Variants in DNAH17 observed in about 807,000 individuals in gnomAD.
The protein encoded by DNAH17 is dynein axonemal heavy chain 17.
A neutral mutation model predicts 485.6 loss-of-function variants in DNAH17; 376 were observed. That is an observed-to-expected ratio of 0.77 (90% CI 0.71 to 0.84). The LOEUF is 0.84. DNAH17 is among the 40% of genes least tolerant of loss of function. The pLI, the probability that DNAH17 is intolerant of heterozygous loss-of-function variation, is 0.00. For missense variants in DNAH17, 6,370 were observed against 5,839.3 expected (o/e 1.09, Z -2.96); for synonymous variants, 3,031 against 2,405.9 (o/e 1.26, Z -7.60).
At chr17:78,495,251 C>T (rs191357644) in intron 38 of DNAH17, among the ~76,000 whole-genome samples, 154 bp from the exon 39 acceptor site, 3 of 152,238 alleles carry the variant, frequency 2.0e-5, no homozygotes, top group East Asian at 1.9e-4. Flanking sequence ...GCTCCCAGCC[C>T]GCCTGCTCCC....
chr17:78,570,877 A>G, intron 6 of DNAH17, 71 bp downstream of exon 6: 3 of 785,758 alleles, frequency 3.8e-6, no homozygotes, highest in East Asian at 3.3e-5. Flanking sequence ...AAAAAAAAAA[A>G]AGAAAAAAGA....
intron 44 of DNAH17, among the ~76,000 whole-genome samples, chr17:78,487,588 G>A (rs772979723): frequency 7.9e-5 from 12 of 152,104 alleles, no homozygotes; most frequent in Non-Finnish European, 1.3e-4. Context: ...GCAGGGGTGC[G>A]ATCTCGGCTC....
At chr17:78,451,411 T>C in intron 66 of DNAH17, 58 bp downstream of exon 66, 3 of 1,505,900 alleles carry the variant, frequency 2.0e-6, no homozygotes, top group Non-Finnish European at 2.7e-6. Flanking sequence ...CACAGTGACC[T>C]GGCCCCCTCT....
chr17:78,449,201 C>G (rs2087440834), intron 69 of DNAH17, among the ~76,000 whole-genome samples: 1 of 152,166 alleles, frequency 6.6e-6, no homozygotes, highest in African/African-American at 2.4e-5. Flanking sequence ...GAATACTGTG[C>G]CAGCTTCCCA....
chr17:78,570,104 G>T, intron 7 of DNAH17, 143 bp downstream of exon 7: 1 of 949,986 alleles, frequency 1.1e-6, no homozygotes, highest in Non-Finnish European at 1.5e-6. Flanking sequence ...CTCCATCTCA[G>T]CTCGGGGCCT....
At chr17:78,516,796 T>C (rs1025513195) in intron 25 of DNAH17, among the ~76,000 whole-genome samples, 1 of 152,046 alleles carries the variant, frequency 6.6e-6, no homozygotes, top group Non-Finnish European at 1.5e-5. Flanking sequence ...AAGGCCTGGC[T>C]GTAATAAAGC....
chr17:78,449,666 G>C, intron 68 of DNAH17, 82 bp from the exon 69 acceptor site: 1 of 1,373,658 alleles, frequency 7.3e-7, no homozygotes, highest in Non-Finnish European at 9.9e-7. Context: ...CCTGCCACCT[G>C]TGGTGGCCTC....
At chr17:78,479,953 G>C (rs887440941) in intron 49 of DNAH17, among the ~76,000 whole-genome samples, 2 of 149,982 alleles carry the variant, frequency 1.3e-5, no homozygotes, top group Admixed American at 6.7e-5. Context: ...GTCTGGGTAA[G>C]GGCTACAGAT....
intron 50 of DNAH17, 57 bp from the exon 51 acceptor site, chr17:78,479,173 G>T: frequency 1.3e-6 from 2 of 1,552,718 alleles, no homozygotes; most frequent in Non-Finnish European, 1.8e-6. Context: ...CCCAGGAAGT[G>T]CAAGCCTCAA....
rs762812539 is a variant in DNAH17, at chr17:78,492,781, G to C, written c.6409-16C>G. The C allele has an allele frequency of 6.2e-7, 1 of 1,608,764 alleles. No individual in the cohort carries two copies. Among genetic ancestry groups the C allele is most frequent in the Non-Finnish European group, 8.5e-7 (1 of 1,177,514 alleles). ...ATTTGAGGACCTGGCGAAGGTGGGGGTCACTCACGTGTGACTCCATGTTCC... is the reference window on the plus strand; with the variant it reads ...ATTTGAGGACCTGGCGAAGGTGGGGCTCACTCACGTGTGACTCCATGTTCC... On this transcript the variant is annotated splice_polypyrimidine_tract_variant and intron_variant, in intron 41 of 80. Transcript: ENST00000389840.
rs146812821 is a variant in DNAH17, at chr17:78,428,613, G to T, written c.12500C>A (p.Thr4167Asn). The T allele has an allele frequency of 6.2e-7, 1 of 1,613,962 alleles. No individual in the cohort carries two copies. The change falls in exon 77 of 81, where the codon ACC (threonine) becomes AAC (asparagine). Residue 4167 changes from threonine (T) to asparagine (N), a missense_variant. Transcript: ENST00000389840. ...GACAGTGCGGAACAGCTTCTCTGAG[G>T]TGACCGTCAGAAAGCCAATCTCTGC... ...PNAEIGFLTV[T>N]SEKLFRTVLE...
rs143810055 is a variant in DNAH17 at position 78,512,915 on chromosome 17, T to C, written c.4113+1859A>G. Among the ~76,000 whole-genome samples the C allele has an allele frequency of 3.5e-3, 437 of 124,360 alleles. 3 individuals carry two copies. Among genetic ancestry groups the C allele is most frequent in the African/African-American group, 0.014 (423 of 31,238 alleles). 81.6% of individuals were successfully genotyped at this position (124,360 alleles called of 152,430 possible). ...GAGATTGTGTCACTGAACTCCAGCC[T>C]GGGCAACAGAGAGAGACTCTAACTC... is the stretch of plus-strand genomic sequence containing the variant. On this transcript the variant is annotated intron_variant, in intron 26 of 80. Transcript: ENST00000389840.
At chr17:78,463,868 G>GGT (rs1392916394) in intron 56 of DNAH17, among the ~76,000 whole-genome samples, 1 of 150,196 alleles carries the variant, frequency 6.7e-6, no homozygotes, top group Non-Finnish European at 1.5e-5. Context: ...GACATTTCAG[G>GGT]GTATATATAT....
At chr17:78,460,474 G>A (rs1269961650) in intron 58 of DNAH17, among the ~76,000 whole-genome samples, 1 of 152,238 alleles carries the variant, frequency 6.6e-6, no homozygotes, top group Non-Finnish European at 1.5e-5. Context: ...GGTGAGGGGC[G>A]GCCCAGGCCC....
At chr17:78,511,275 T>G (rs2090629957) in intron 26 of DNAH17, among the ~76,000 whole-genome samples, 1 of 152,100 alleles carries the variant, frequency 6.6e-6, no homozygotes, top group Non-Finnish European at 1.5e-5. Context: ...GTGCAGCTAA[T>G]TTTTGTATTT....
intron 1 of DNAH17, 107 bp from the exon 2 acceptor site, chr17:78,575,189 A>C: frequency 2.5e-6 from 2 of 801,498 alleles, no homozygotes; most frequent in Non-Finnish European, 1.9e-6. Flanking sequence ...GCAGGAACAA[A>C]ACAGTTGGTC....
At position 78,572,828 on chromosome 17, in the gene DNAH17, T is replaced by C. The variant is rs935092556; in HGVS notation, c.412A>G (p.Ile138Val). 1 of 1,613,974 alleles carries C rather than the reference T, an allele frequency of 6.2e-7. No individual in the cohort carries two copies. Among genetic ancestry groups the C allele is most frequent in the African/African-American group, 1.3e-5 (1 of 75,046 alleles). ...AGWPQVVSED[I>V]VKQVHRLKNE... Reference sequence around the variant, plus strand: ...TTCAGCCTGTGGACCTGCTTCACGATGTCTTCCGAGACCACCTGGGGCCAT... The same window carrying C: ...TTCAGCCTGTGGACCTGCTTCACGACGTCTTCCGAGACCACCTGGGGCCAT... Residue 138 changes from isoleucine to valine, a missense_variant, in exon 3 of 81, where the codon ATC (isoleucine) becomes GTC (valine). Coordinates refer to ENST00000389840, the MANE Select transcript of DNAH17 (RefSeq NM_173628.4).
rs1478303835 is a variant in DNAH17 at position 78,494,779 on chromosome 17, C to A, written c.6084G>T (p.Leu2028=). The change falls in exon 40 of 81, where the codon CTG becomes CTT. Residue 2028 remains leucine (L), a synonymous_variant. Transcript: ENST00000389840. ...DWGLRAIKSV[L]VVAGSLKRGD... ...CCCTCTTCAGGGAGCCGGCCACCAC[C>A]AGCACAGACTTGATGGCTCTCAGGC... is the stretch of plus-strand genomic sequence containing the variant. The A allele has an allele frequency of 6.2e-7, 1 of 1,613,096 alleles. No individual in the cohort carries two copies. Among genetic ancestry groups the A allele is most frequent in the Non-Finnish European group, 8.5e-7 (1 of 1,179,624 alleles).
In DNAH17 at chr17:78,460,321, C is replaced by CATGTGTGTGCATGTGT. The variant is rs148454093; in HGVS notation, c.9340-65_9340-64insACACATGCACACACAT. 6.8e-5 allele frequency: 59 copies of CATGTGTGTGCATGTGT among 872,552 alleles called. No individual in the cohort carries two copies. In the African/African-American group the frequency reaches 7.0e-4, roughly 10 times the overall value. 54.1% of individuals were successfully genotyped at this position (872,552 alleles called of 1,614,324 possible). A position where few individuals can be genotyped will look rare whatever the true frequency, so the allele number is the denominator to read the frequency against. On this transcript the variant is annotated intron_variant, in intron 58 of 80. Coordinates refer to ENST00000389840, the MANE Select transcript of DNAH17 (RefSeq NM_173628.4). The stretch of plus-strand genomic sequence containing the variant: ...GTCCATGTGCCTGTGGGGGCGTGTA[C>CATGTGTGTGCATGTGT]GTGCATGTGTGTGCATGTGTGTGCA...
Sources: gnomAD v4.1 joint callset for allele counts (sites outside exome capture counted in the v4.1 genomes callset) on GRCh38, gnomAD v4.1.1 for gene constraint, MANE v1.5 for transcripts, NCBI Gene and HGNC (gene_info 2026-07-23, HGNC 2026-07-21) for gene names.